The following THSD7A variants were observed in gnomAD, a reference collection of about 807,000 sequenced individuals.
THSD7A encodes the protein thrombospondin type-1 domain-containing protein 7A.
THSD7A carries 96 observed loss-of-function variants against 231.3 expected under a neutral mutation model. That is an observed-to-expected ratio of 0.41 (90% confidence interval 0.35 to 0.49). The LOEUF (loss-of-function observed/expected upper bound fraction) is 0.49. Ranked by LOEUF, THSD7A falls within the 20% of genes least tolerant of loss-of-function variation. THSD7A has a pLI of 0.05. For synonymous variants in THSD7A, 940 were observed against 743.3 expected (o/e 1.26, Z -4.30); for missense variants, 2,290 against 2,070.2 (o/e 1.11, Z -2.06).
chr7:11,633,430 T>C (rs912410999), intron 2 of THSD7A, among the ~76,000 whole-genome samples: 9 of 152,178 alleles, frequency 5.9e-5, no homozygotes, highest in Admixed American at 5.9e-4. Context: ...TATTATGCTA[T>C]TCTGATTTCA....
intron 13 of THSD7A, among the ~76,000 whole-genome samples, chr7:11,443,359 T>A (rs990637234): frequency 5.3e-5 from 8 of 152,104 alleles, no homozygotes; most frequent in African/African-American, 1.7e-4. Flanking sequence ...GAAAGAGAAT[T>A]TATATTTTTC....
intron 4 of THSD7A, among the ~76,000 whole-genome samples, chr7:11,556,378 T>C (rs1429755093): frequency 6.6e-6 from 1 of 151,712 alleles, no homozygotes; most frequent in Non-Finnish European, 1.5e-5. Flanking sequence ...ATTTTGCTAG[T>C]TCAACTAAAG....
In THSD7A at chr7:11,769,151, A is replaced by ATTTTTTTTTTTTTTTTTT. The variant is rs1422492872; in HGVS notation, c.190+62605_190+62606insAAAAAAAAAAAAAAAAAA. Among the ~76,000 whole-genome samples the ATTTTTTTTTTTTTTTTTT allele has an allele frequency of 1.2e-3, 44 of 35,432 alleles. 2 individuals are homozygous for ATTTTTTTTTTTTTTTTTT. Among genetic ancestry groups the ATTTTTTTTTTTTTTTTTT allele is most frequent in the Non-Finnish European group, 2.1e-3 (35 of 16,612 alleles). 23.2% of individuals were successfully genotyped at this position (35,432 alleles called of 152,430 possible). On this transcript the variant is annotated intron_variant, in intron 1 of 27. Transcript: ENST00000423059. ...TATATATATATATATATATATATAT[A>ATTTTTTTTTTTTTTTTTT]TATTTTTTTTTTTTTTTGGTATTTT...
chr7:11,528,027 C>T (rs760984838), intron 6 of THSD7A, among the ~76,000 whole-genome samples: 11 of 152,022 alleles, frequency 7.2e-5, no homozygotes, highest in Non-Finnish European at 1.5e-4. Flanking sequence ...ACTAGCTGGG[C>T]CTAGTGGTGC....
In THSD7A at chr7:11,636,667, T is replaced by C. The variant is rs757536093; in HGVS notation, c.485A>G (p.Gln162Arg). The C allele has an allele frequency of 3.7e-6, 6 of 1,614,030 alleles. No individual in the cohort carries two copies. Among genetic ancestry groups the C allele is most frequent in the Admixed American group, 1.7e-5 (1 of 60,026 alleles). ...GIQVREIACI[Q>R]KDKDIPAEDI... ...CTCCGCAGGAATGTCTTTGTCTTTC[T>C]GGATGCACGCTATCTCCCTCACCTG... Residue 162 changes from glutamine to arginine, a missense_variant, in exon 2 of 28, where the codon CAG becomes CGG. Gln to Arg is a conservative substitution (Grantham distance 43, BLOSUM62 1). Transcript: ENST00000423059. The surrounding 1 kb of genome is among the most constrained non-coding windows in gnomAD (Gnocchi z 10.0).
chr7:11,546,196 G>GTGCA (rs1554335260), intron 4 of THSD7A, among the ~76,000 whole-genome samples: 1 of 36,954 alleles, frequency 2.7e-5, no homozygotes, highest in African/African-American at 2.5e-4. Context: ...GCTGGTGTGG[G>GTGCA]CGCGCGCTCA....
intron 1 of THSD7A, among the ~76,000 whole-genome samples, chr7:11,769,147 A>ATTTTTTTTTTTTT (rs1562541356): frequency 8.4e-5 from 3 of 35,654 alleles, no homozygotes; most frequent in Non-Finnish European, 1.8e-4. Context: ...ATATATATAT[A>ATTTTTTTTTTTTT]TATATATTTT....
At chr7:11,447,717 C>T (rs991722913) in intron 11 of THSD7A, among the ~76,000 whole-genome samples, 1 of 152,062 alleles carries the variant, frequency 6.6e-6, no homozygotes, top group Admixed American at 6.6e-5. Context: ...ATTCATGTCA[C>T]ATGTAGGGTA....
chr7:11,449,179 G>C (rs368548051), intron 11 of THSD7A, among the ~76,000 whole-genome samples: 2 of 151,962 alleles, frequency 1.3e-5, no homozygotes, highest in South Asian at 2.1e-4. Context: ...TGGGATTTAG[G>C]ATACTTTTTA....
intron 13 of THSD7A, among the ~76,000 whole-genome samples, chr7:11,442,922 CT>C (rs1324892696): frequency 6.6e-6 from 1 of 151,998 alleles, no homozygotes. Flanking sequence ...CTGTAAGTGC[CT>C]TTCTCTAGAA....
intron 6 of THSD7A, among the ~76,000 whole-genome samples, chr7:11,509,193 T>C (rs1407280236): frequency 6.6e-6 from 1 of 152,214 alleles, no homozygotes; most frequent in East Asian, 1.9e-4. Context: ...TTTTTAGCTT[T>C]CTATATTCCA....
chr7:11,699,798 C>T (rs1024877045), intron 1 of THSD7A, among the ~76,000 whole-genome samples: 3 of 151,104 alleles, frequency 2.0e-5, no homozygotes, highest in African/African-American at 7.3e-5. Context: ...ATCACATATC[C>T]GACTTATTGA....
chr7:11,785,325 C>T (rs1029433176), intron 1 of THSD7A, among the ~76,000 whole-genome samples: 13 of 152,068 alleles, frequency 8.5e-5, no homozygotes, highest in African/African-American at 2.7e-4. Context: ...CAGCCTGGGA[C>T]TCCTGGCCTC....
At chr7:11,830,453 T>A (rs1025878407) in intron 1 of THSD7A, among the ~76,000 whole-genome samples, 1 of 152,242 alleles carries the variant, frequency 6.6e-6, no homozygotes, top group Admixed American at 6.5e-5. Flanking sequence ...AAATTAGAGA[T>A]CTTCAAATCT....
intron 17 of THSD7A, chr7:11,414,066 C>CT (rs1490052319): frequency 6.6e-6 from 1 of 152,248 alleles, no homozygotes; most frequent in African/African-American, 2.4e-5. Context: ...CTATTAAACT[C>CT]TTTCTTTACT....
chr7:11,482,080 C>G (rs545254516), intron 6 of THSD7A, 98 bp from the exon 7 acceptor site: 2 of 1,300,836 alleles, frequency 1.5e-6, no homozygotes, highest in African/African-American at 3.0e-5. Flanking sequence ...CATTATCTTT[C>G]TTTTGCTCTT....
chr7:11,424,222 G>A (rs1784244022), intron 16 of THSD7A, among the ~76,000 whole-genome samples: 1 of 151,474 alleles, frequency 6.6e-6, no homozygotes, highest in Non-Finnish European at 1.5e-5. Context: ...AGTGTGGCTA[G>A]TGGCTATCCT....
intron 1 of THSD7A, among the ~76,000 whole-genome samples, chr7:11,708,013 C>A (rs1052664942): frequency 6.6e-6 from 1 of 150,672 alleles, no homozygotes; most frequent in Non-Finnish European, 1.5e-5. Context: ...ACCAAATATT[C>A]CTTGCAATTT....
intron 1 of THSD7A, among the ~76,000 whole-genome samples, chr7:11,689,476 A>T (rs1231857648): frequency 2.0e-5 from 3 of 151,800 alleles, no homozygotes; most frequent in Non-Finnish European, 1.5e-5. Context: ...GCTGTTTGAA[A>T]GAAAGAGTCC....
Sources: gnomAD v4.1 joint callset for allele counts (sites outside exome capture counted in the v4.1 genomes callset) on GRCh38, gnomAD v4.1.1 for gene constraint, Gnocchi (gnomAD v3.1) non-coding constraint, MANE v1.5 for transcripts, NCBI Gene and HGNC (gene_info 2026-07-23, HGNC 2026-07-21) for gene names.